The following MADD variants were observed in gnomAD, a reference collection of about 807,000 sequenced individuals.
The protein encoded by MADD is MAP kinase activating death domain, also known as MAP kinase-activating death domain protein.
A neutral mutation model predicts 176.7 loss-of-function variants in MADD; 109 were observed. That is an observed-to-expected ratio of 0.62 (90% CI 0.53 to 0.72). The LOEUF is 0.72. Ranked by LOEUF, MADD falls within the 30% of genes least tolerant of loss-of-function variation. The pLI, the probability that MADD is intolerant of heterozygous loss-of-function variation, is 0.00. For missense variants in MADD, 1,914 were observed against 2,045.5 expected (o/e 0.94, Z 1.24); for synonymous variants, 771 against 771.3 (o/e 1.00, Z 0.01).
chr11:47,275,040 C>T (rs746204558), exon 3 of MADD: 11 of 1,614,142 alleles, frequency 6.8e-6, no homozygotes, highest in Middle Eastern at 1.6e-4. Flanking sequence ...TGTGCGTGCT[C>T]AGCCACTACC....
chr11:47,294,030 T>TGAGA, intron 20 of MADD, 47 bp downstream of exon 22: 1 of 1,382,306 alleles, frequency 7.2e-7, no homozygotes. Flanking sequence ...ATATGCTGTC[T>TGAGA]CAGAATACTT....
At chr11:47,288,459 G>A (rs942893290) in intron 15 of MADD, among the ~76,000 whole-genome samples, 2 of 152,198 alleles carry the variant, frequency 1.3e-5, no homozygotes, top group African/African-American at 2.4e-5. Context: ...AGGATGGAAG[G>A]GTGTCAGTGT....
rs998970565 is a variant in MADD, at chr11:47,307,733, A to G, written c.3643-858A>G. Among the ~76,000 whole-genome samples, 4 of 152,092 alleles carry G rather than the reference A, an allele frequency of 2.6e-5. No individual in the cohort carries two copies. The South Asian group carries it at 8.3e-4, about 32-fold the overall frequency. ...ACCCAAGCTGGAGTGCAGTGGTGCAATCTTGGCTCACTGCAACCTCCGCCT... is the reference window on the plus strand; with the variant it reads ...ACCCAAGCTGGAGTGCAGTGGTGCAGTCTTGGCTCACTGCAACCTCCGCCT... On this transcript the variant is annotated intron_variant, in intron 22 of 32. Transcript: ENST00000402192.
At chr11:47,297,715 G>A (rs1425174151) in intron 22 of MADD, among the ~76,000 whole-genome samples, 3 of 151,402 alleles carry the variant, frequency 2.0e-5, no homozygotes, top group Non-Finnish European at 4.4e-5. Flanking sequence ...CAAAGTGCTG[G>A]GATTACAGGC....
At chr11:47,308,759 G>A in intron 23 of MADD, 60 bp downstream of exon 25, 1 of 1,366,550 alleles carries the variant, frequency 7.3e-7, no homozygotes, top group South Asian at 1.2e-5. Context: ...CCAGGGGAGA[G>A]GGTCACACTG....
chr11:47,290,860 T>C, intron 19 of MADD, 44 bp downstream of exon 20: 1 of 1,460,418 alleles, frequency 6.8e-7, no homozygotes, highest in South Asian at 1.2e-5. Context: ...TCCTGGCTTC[T>C]TAAATATCCC....
At chr11:47,317,438 T>G (rs921264484) in intron 27 of MADD, among the ~76,000 whole-genome samples, 17 of 152,344 alleles carry the variant, frequency 1.1e-4, no homozygotes, top group Non-Finnish European at 1.0e-4. Flanking sequence ...ATTAATTTTG[T>G]TGAAGAAATT....
intron 19 of MADD, 117 bp from the exon 21 acceptor site, chr11:47,292,426 G>A: frequency 1.2e-6 from 1 of 852,400 alleles, no homozygotes; most frequent in Non-Finnish European, 2.0e-6. Flanking sequence ...GTATCTCTTG[G>A]TTGGTAATCC....
chr11:47,290,010 T>G (rs1344016370), exon 17 of MADD: 2 of 1,614,112 alleles, frequency 1.2e-6, no homozygotes, highest in Non-Finnish European at 8.5e-7. Flanking sequence ...AACCGCATGG[T>G]GCAGTCAGAG....
At chr11:47,297,842 G>A (rs2074250742) in intron 22 of MADD, among the ~76,000 whole-genome samples, 1 of 140,964 alleles carries the variant, frequency 7.1e-6, no homozygotes. Context: ...AGGCTGGAGT[G>A]CAGTGGCGCG....
exon 27 of MADD, chr11:47,315,315 C>A (rs1239170499): frequency 1.9e-6 from 3 of 1,611,724 alleles, no homozygotes; most frequent in Non-Finnish European, 2.5e-6. Context: ...ACGGAGATAT[C>A]TTTTTCATGG....
chr11:47,313,278 G>GCTGTGTA (rs1379603198), intron 26 of MADD, among the ~76,000 whole-genome samples: 9 of 152,078 alleles, frequency 5.9e-5, no homozygotes, highest in Non-Finnish European at 1.2e-4. Flanking sequence ...ATTTGGAAGA[G>GCTGTGTA]CTGTGTAACT....
Position 47,290,102 on chromosome 11 carries a change from A to G in MADD, c.2944-47A>G, listed in dbSNP as rs767749556. The G allele has an allele frequency of 2.6e-5, 42 of 1,612,510 alleles. No individual in the cohort carries two copies. The East Asian group carries it at 9.1e-4, about 35-fold the overall frequency. Reference sequence around the variant, plus strand: ...GGAGTAACTGGAGAGAGGGATGTGAACACCACAGGCAATTTGCCAACGCTA... The same window carrying G: ...GGAGTAACTGGAGAGAGGGATGTGAGCACCACAGGCAATTTGCCAACGCTA... On this transcript the variant is annotated intron_variant, in intron 17 of 32. Coordinates refer to ENST00000402192, the Ensembl canonical transcript of MADD.
At chr11:47,305,241 C>T (rs2081667820) in intron 22 of MADD, among the ~76,000 whole-genome samples, 1 of 152,038 alleles carries the variant, frequency 6.6e-6, no homozygotes, top group South Asian at 2.1e-4. Flanking sequence ...GGTACAGATG[C>T]GTGGAGTAGC....
rs900930843 is a variant in MADD at position 47,275,807 on chromosome 11, GTCA to G, written c.660-87_660-85del. 16 of 1,235,364 alleles carry G rather than the reference GTCA, an allele frequency of 1.3e-5. No homozygotes were observed. In the African/African-American group the frequency reaches 2.0e-4, roughly 15 times the overall value. The allele number at this position is 1,235,364 out of a possible 1,614,324, so 76.5% of individuals were successfully genotyped here. A position where few individuals can be genotyped will look rare whatever the true frequency, so the allele number is the denominator to read the frequency against. On this transcript the variant is annotated intron_variant, in intron 3 of 32. Transcript: ENST00000402192. ...TCTTAATGATGCTCCGTTTCCCATT[GTCA>G]TCATTAGAGCCTCTGTGGTGATACT...
intron 15 of MADD, 135 bp downstream of exon 15, chr11:47,286,669 C>G: frequency 1.6e-6 from 1 of 644,606 alleles, no homozygotes; most frequent in East Asian, 2.7e-5. Flanking sequence ...TCATGGCTTT[C>G]ACCGCACATC....
At chr11:47,274,596 T>A in exon 3 of MADD, 2 of 1,614,030 alleles carry the variant, frequency 1.2e-6, no homozygotes, top group Non-Finnish European at 1.7e-6. Context: ...CCCAGACTCC[T>A]GAATTGCTAC....
At chr11:47,284,499 A>C (rs1238016930) in exon 12 of MADD, 1 of 1,614,058 alleles carries the variant, frequency 6.2e-7, no homozygotes, top group East Asian at 2.2e-5. Context: ...AAAACCCCCC[A>C]CTGCGCTCCA....
intron 22 of MADD, among the ~76,000 whole-genome samples, chr11:47,298,535 GT>G (rs991403378): frequency 2.0e-5 from 3 of 152,098 alleles, no homozygotes; most frequent in Non-Finnish European, 4.4e-5. Flanking sequence ...GATTATTTGT[GT>G]TTTTTTGCTG....
Sources: allele counts gnomAD v4.1 joint callset (sites outside exome capture counted in the v4.1 genomes callset), GRCh38; gene constraint gnomAD v4.1.1; transcripts MANE v1.5; gene names NCBI Gene and HGNC (gene_info 2026-07-23, HGNC 2026-07-21).